AIF1L: variants seen among roughly 807,000 people sequenced by gnomAD.
AIF1L encodes the protein allograft inflammatory factor 1 like, also known as allograft inflammatory factor 1-like.
In AIF1L, 12 loss-of-function variants were observed where a neutral mutation model predicts 20.7. The observed-to-expected ratio is 0.58, with a 90% confidence interval of 0.37 to 0.94. The LOEUF (loss-of-function observed/expected upper bound fraction) is 0.94, where lower values mean the gene tolerates loss of function less well. AIF1L is among the 40% of genes least tolerant of loss of function. The pLI, the probability that AIF1L is intolerant of heterozygous loss-of-function variation, is 0.01. For missense variants in AIF1L, 173 were observed against 185.3 expected, an observed-to-expected ratio of 0.93 and a Z score of 0.39; for synonymous variants, 76 against 65.1, an observed-to-expected ratio of 1.17 and a Z score of -0.81.
intron 2 of AIF1L, among the ~76,000 whole-genome samples, chr9:131,099,687 G>C (rs1023692660): frequency 6.6e-6 from 1 of 151,872 alleles, no homozygotes; most frequent in Non-Finnish European, 1.5e-5. Context: ...TCCTCCCTTG[G>C]TGTAGGCCAG....
rs1452942784 is a variant in AIF1L, at chr9:131,120,318, C to T, written c.449C>T (p.Pro150Leu). ...CCAGAGAGAGACATTGCTAGCCTGC[C>T]CTGAGGACCCCGCCTGGACTCCCCA... ...PPPERDIASLP is the reference protein window; with the variant it reads ...PPPERDIASLL The change falls in exon 6 of 6, where the codon CCC becomes CTC. Residue 150 changes from proline (P) to leucine (L), a missense_variant. Pro to Leu is a moderately conservative substitution (Grantham distance 98). Coordinates refer to ENST00000247291, the MANE Select transcript of AIF1L (RefSeq NM_031426.4). The T allele has an allele frequency of 2.5e-6, 4 of 1,611,690 alleles. No homozygotes were observed. The African/African-American group carries it at 4.0e-5, about 16-fold the overall frequency.
At chr9:131,116,922 C>G (rs1274484343) in intron 4 of AIF1L, among the ~76,000 whole-genome samples, 1 of 152,250 alleles carries the variant, frequency 6.6e-6, no homozygotes, top group Non-Finnish European at 1.5e-5. Context: ...GGCCTGGCCC[C>G]AGTCCCGCCC....
chr9:131,106,189 A>C, intron 2 of AIF1L: 1 of 1,535,268 alleles, frequency 6.5e-7, no homozygotes, highest in Non-Finnish European at 8.7e-7. Flanking sequence ...CCTCCTCAGT[A>C]CTGTGCAGGG....
Position 131,096,610 on chromosome 9 carries a change from G to T in AIF1L, c.-20G>T. ...GCCGCGTCCGCGAAGCCTGGAGCCG[G>T]CGGGAGCCCCGCGCTCGCCATGTCG... On this transcript the variant is annotated 5_prime_UTR_variant, in exon 1 of 6. Transcript: ENST00000247291. 1 of 1,485,176 alleles carries T rather than the reference G, an allele frequency of 6.7e-7. No individual in the cohort carries two copies. Among genetic ancestry groups the T allele is most frequent in the Non-Finnish European group, 8.9e-7 (1 of 1,126,036 alleles). 92.0% of individuals were successfully genotyped at this position (1,485,176 alleles called of 1,614,324 possible).
intron 2 of AIF1L, among the ~76,000 whole-genome samples, chr9:131,107,181 G>C (rs1470512517): frequency 6.6e-6 from 1 of 152,208 alleles, no homozygotes; most frequent in South Asian, 2.1e-4. Context: ...GCAGATCTGT[G>C]GACTCCAGGC....
chr9:131,105,411 C>T (rs554290327), intron 2 of AIF1L, among the ~76,000 whole-genome samples: 1 of 152,340 alleles, frequency 6.6e-6, no homozygotes, highest in South Asian at 2.1e-4. Flanking sequence ...GTGGCCCAGG[C>T]TGGAGTGCAG....
chr9:131,097,595 G>T (rs1830556185), intron 2 of AIF1L, among the ~76,000 whole-genome samples: 1 of 152,198 alleles, frequency 6.6e-6, no homozygotes, highest in African/African-American at 2.4e-5. Context: ...CTTTCCTGTT[G>T]TTGCCAGGCA....
At chr9:131,117,625 T>A in intron 4 of AIF1L, 131 bp from the exon 5 acceptor site, 1 of 920,502 alleles carries the variant, frequency 1.1e-6, no homozygotes, top group Non-Finnish European at 1.6e-6. Flanking sequence ...CGTGATGGGC[T>A]CCTCCTCCCT....
In AIF1L at chr9:131,096,863, G is replaced by A. The variant is rs949437434; in HGVS notation, c.93G>A (p.Arg31=). Residue 31 remains arginine (R), a splice_region_variant and synonymous_variant, in exon 2 of 6, where the codon CGG becomes CGA. Transcript: ENST00000247291. ...AGAGGAGGCTGGCCGAGATCAACCGGGTAAGCCCCGCGCCCAGGGCAGCAC... is the reference window on the plus strand; with the variant it reads ...AGAGGAGGCTGGCCGAGATCAACCGAGTAAGCCCCGCGCCCAGGGCAGCAC... ...RQERRLAEIN[R]EFLCDQKYSD... 6.5e-7 allele frequency: 1 copy of A among 1,534,404 alleles called. No individual in the cohort carries two copies. The highest frequency in any genetic ancestry group is 8.8e-7 in the Non-Finnish European group (1 of 1,141,840).
chr9:131,105,102 G>C (rs1018444691), intron 2 of AIF1L, among the ~76,000 whole-genome samples: 4 of 152,152 alleles, frequency 2.6e-5, no homozygotes, highest in Non-Finnish European at 4.4e-5. Flanking sequence ...TGGCAGGGAC[G>C]GGGGGAGGAT....
intron 2 of AIF1L, among the ~76,000 whole-genome samples, chr9:131,103,598 A>G (rs1830683101): frequency 6.6e-6 from 1 of 152,224 alleles, no homozygotes; most frequent in Non-Finnish European, 1.5e-5. Flanking sequence ...GATCCTGCAG[A>G]TCGTGCCACT....
rs1409451172 is a variant in AIF1L, at chr9:131,111,577, C to T, written c.94-20C>T. The stretch of plus-strand genomic sequence containing the variant: ...TCTGTCCCCAGTCCCTTGCTCAGCA[C>T]TGTCCTCTCACCTCTGTAGGAGTTT... On this transcript the variant is annotated intron_variant, in intron 2 of 5. Coordinates refer to ENST00000247291, the MANE Select transcript of AIF1L (RefSeq NM_031426.4). 4 of 1,611,342 alleles carry T rather than the reference C, an allele frequency of 2.5e-6. No homozygotes were observed. The highest frequency in any genetic ancestry group is 2.7e-5 in the African/African-American group (2 of 74,882).
chr9:131,111,777 C>A, intron 3 of AIF1L, 114 bp downstream of exon 3: 1 of 1,075,476 alleles, frequency 9.3e-7, no homozygotes, highest in Non-Finnish European at 1.4e-6. Context: ...CTGTTTTGTC[C>A]AGAATGCCCT....
chr9:131,102,094 G>T (rs138359705), intron 2 of AIF1L, among the ~76,000 whole-genome samples: 2 of 151,972 alleles, frequency 1.3e-5, no homozygotes, highest in African/African-American at 4.8e-5. Context: ...TGTATTTTTA[G>T]TAGAGACAGG....
At chr9:131,106,626 T>C (rs1277425166) in intron 2 of AIF1L, among the ~76,000 whole-genome samples, 2 of 151,358 alleles carry the variant, frequency 1.3e-5, no homozygotes, top group Non-Finnish European at 2.9e-5. Context: ...CTACAAAAAA[T>C]ACAAACATTA....
Position 131,120,605 on chromosome 9 carries a change from G to A in AIF1L, c.*283G>A, listed in dbSNP as rs1293289848. On this transcript the variant is annotated 3_prime_UTR_variant, in exon 6 of 6. Transcript: ENST00000247291. Reference sequence around the variant, plus strand: ...CAAAAACTAGAGGGGGCAGGGCCAGGGCAGGGAGGCTTCCAGCCTGTGTTC... The same window carrying A: ...CAAAAACTAGAGGGGGCAGGGCCAGAGCAGGGAGGCTTCCAGCCTGTGTTC... 4 of 376,730 alleles carry A rather than the reference G, an allele frequency of 1.1e-5. No homozygotes were observed. The highest frequency in any genetic ancestry group is 1.9e-5 in the Non-Finnish European group (4 of 210,976). The allele number at this position is 376,730 out of a possible 1,614,324, so 23.3% of individuals were successfully genotyped here. A position where few individuals can be genotyped will look rare whatever the true frequency, so the allele number is the denominator to read the frequency against.
At chr9:131,104,277 C>T (rs181958013) in intron 2 of AIF1L, among the ~76,000 whole-genome samples, 19 of 152,298 alleles carry the variant, frequency 1.2e-4, no homozygotes, top group African/African-American at 3.1e-4. Flanking sequence ...TTTCTGCAGC[C>T]GGGAAAACTT....
chr9:131,096,705 G>C (rs1000773428), intron 1 of AIF1L, 45 bp downstream of exon 1: 21 of 1,448,602 alleles, frequency 1.4e-5, no homozygotes, highest in Non-Finnish European at 1.9e-5. Context: ...GCGCCGGGCG[G>C]ACCGCGGGGT....
At chr9:131,103,901 G>C (rs576212598) in intron 2 of AIF1L, among the ~76,000 whole-genome samples, 1 of 152,298 alleles carries the variant, frequency 6.6e-6, no homozygotes, top group South Asian at 2.1e-4. Flanking sequence ...GTTTTCAACT[G>C]TTGTGAACTT....
Sources: gnomAD v4.1 joint callset for allele counts (sites outside exome capture counted in the v4.1 genomes callset) on GRCh38, gnomAD v4.1.1 for gene constraint, MANE v1.5 for transcripts, NCBI Gene and HGNC (gene_info 2026-07-23, HGNC 2026-07-21) for gene names.